The following GOLM1 variants were observed in gnomAD, a reference collection of about 807,000 sequenced individuals.
GOLM1 encodes golgi membrane protein 1.
In GOLM1, 31 loss-of-function variants were observed where a neutral mutation model predicts 50.5. The ratio of observed to expected loss-of-function variants is 0.61; its 90% CI spans 0.46 to 0.83. GOLM1 has a LOEUF of 0.83. Ranked by LOEUF, GOLM1 falls within the 40% of genes least tolerant of loss-of-function variation. The pLI is 0.00. For missense variants in GOLM1, 491 were observed against 501.3 expected, an observed-to-expected ratio of 0.98 and a Z score of 0.20; for synonymous variants, 178 against 192.8, an observed-to-expected ratio of 0.92 and a Z score of 0.64.
chr9:86,052,694 T>G, intron 3 of GOLM1, 103 bp from the exon 4 acceptor site: 9 of 935,574 alleles, frequency 9.6e-6, no homozygotes, highest in African/African-American at 1.7e-5. Flanking sequence ...AACCCAGCGC[T>G]GCTGTCAGGG....
intron 4 of GOLM1, among the ~76,000 whole-genome samples, 184 bp downstream of exon 4, chr9:86,052,353 T>G (rs1833781553): frequency 6.6e-6 from 1 of 152,204 alleles, no homozygotes; most frequent in Admixed American, 6.5e-5. Flanking sequence ...GCAATATTTT[T>G]TTTTAAAAGG....
intron 5 of GOLM1, 127 bp from the exon 6 acceptor site, chr9:86,040,995 C>G: frequency 2.5e-6 from 2 of 799,870 alleles, no homozygotes; most frequent in Non-Finnish European, 4.0e-6. Context: ...GAAGAGGGCA[C>G]TTAAGACAGG....
Position 86,067,398 on chromosome 9 carries a change from T to A in GOLM1, c.309+10014A>T, listed in dbSNP as rs1834336738. On this transcript the variant is annotated intron_variant, in intron 3 of 9. Transcript: ENST00000388712. ...TTAGGCCCCTTAAAAACCTGTTTTA[T>A]ATGTACACATATATGAATCTGTAAA... Among the ~76,000 whole-genome samples, 3 of 152,274 alleles carry A rather than the reference T, an allele frequency of 2.0e-5. No individual in the cohort carries two copies. The South Asian group carries it at 6.2e-4, about 32-fold the overall frequency.
intron 4 of GOLM1, among the ~76,000 whole-genome samples, chr9:86,049,684 T>C (rs1185950013): frequency 6.6e-6 from 1 of 152,204 alleles, no homozygotes; most frequent in Non-Finnish European, 1.5e-5. Flanking sequence ...TATTGGTGTA[T>C]AGGAATGCTT....
In GOLM1 at chr9:86,092,837, C is replaced by A. The variant is rs1048976462; in HGVS notation, c.-22+6574G>T. ...GTTTATGGTGGTCAAATACATCAGA[C>A]ACTCTCCCTTCTCCCACCTTAGAAT... On this transcript the variant is annotated intron_variant, in intron 1 of 9. Coordinates refer to ENST00000388712, the MANE Select transcript of GOLM1 (RefSeq NM_016548.4). Among the ~76,000 whole-genome samples the A allele has an allele frequency of 1.2e-3, 185 of 152,302 alleles. 2 individuals are homozygous for A. The highest frequency in any genetic ancestry group is 4.4e-3 in the African/African-American group (181 of 41,550).
rs1166945730 is a variant in GOLM1 at position 86,027,480 on chromosome 9, T to C, written c.*337A>G. ...AGATGGACTCTTCTATAGGTGGCTG[T>C]TAATTTACACAAAGTTATATTCCAG... On this transcript the variant is annotated 3_prime_UTR_variant, in exon 10 of 10. Coordinates refer to ENST00000388712, the MANE Select transcript of GOLM1 (RefSeq NM_016548.4). The C allele has an allele frequency of 2.1e-5, 23 of 1,100,148 alleles. No homozygotes were observed. The highest frequency in any genetic ancestry group is 2.4e-5 in the Non-Finnish European group (22 of 902,624). The allele number at this position is 1,100,148 out of a possible 1,614,324, so 68.1% of individuals were successfully genotyped here.
In GOLM1 at chr9:86,063,831, C is replaced by T. The variant is rs114215262; in HGVS notation, c.310-11240G>A. Among the ~76,000 whole-genome samples, 993 of 152,340 alleles carry T rather than the reference C, an allele frequency of 6.5e-3. 8 individuals are homozygous for T. Among genetic ancestry groups the T allele is most frequent in the African/African-American group, 0.021 (858 of 41,582 alleles). On this transcript the variant is annotated intron_variant, in intron 3 of 9. Coordinates refer to ENST00000388712, the MANE Select transcript of GOLM1 (RefSeq NM_016548.4). ...TTTCTAGTGCGTATGAAGCCAAGGC[C>T]AAGAGCGAGGACACCTGCAGGATTT...
chr9:86,052,225 C>T (rs1322585734), intron 4 of GOLM1, among the ~76,000 whole-genome samples: 1 of 152,164 alleles, frequency 6.6e-6, no homozygotes. Flanking sequence ...ATTAACAGGT[C>T]ACATGTATAC....
chr9:86,031,461 T>G (rs1003111860), intron 9 of GOLM1, among the ~76,000 whole-genome samples: 1 of 145,582 alleles, frequency 6.9e-6, no homozygotes, highest in Non-Finnish European at 1.5e-5. Flanking sequence ...TTTTTTTTTT[T>G]TTTTTTTTTT....
At chr9:86,041,498 G>A (rs1254249981) in intron 5 of GOLM1, among the ~76,000 whole-genome samples, 3 of 152,202 alleles carry the variant, frequency 2.0e-5, no homozygotes, top group Non-Finnish European at 4.4e-5. Flanking sequence ...CTTTCTGGCT[G>A]GGGAGCCTAA....
chr9:86,060,604 G>A (rs573766869), intron 3 of GOLM1, among the ~76,000 whole-genome samples: 5 of 152,042 alleles, frequency 3.3e-5, no homozygotes, highest in East Asian at 3.9e-4. Flanking sequence ...CACACAGGCC[G>A]GGCGCAGCAG....
chr9:86,047,896 T>C (rs1410078780), intron 4 of GOLM1, among the ~76,000 whole-genome samples: 1 of 152,216 alleles, frequency 6.6e-6, no homozygotes, highest in Admixed American at 6.5e-5. Flanking sequence ...TTTTTAATTA[T>C]ACTTTAAATT....
chr9:86,048,900 T>C (rs958355147), intron 4 of GOLM1, among the ~76,000 whole-genome samples: 3 of 152,242 alleles, frequency 2.0e-5, no homozygotes, highest in Non-Finnish European at 2.9e-5. Context: ...TTTGCCTATT[T>C]TGGCTTCTGT....
chr9:86,035,101 C>T, intron 8 of GOLM1: 2 of 985,346 alleles, frequency 2.0e-6, no homozygotes, highest in Non-Finnish European at 2.4e-6. Flanking sequence ...GCTAAGCACC[C>T]ATCTGCAGGC....
At chr9:86,091,830 AG>A (rs1835194700) in intron 1 of GOLM1, among the ~76,000 whole-genome samples, 1 of 152,252 alleles carries the variant, frequency 6.6e-6, no homozygotes, top group Non-Finnish European at 1.5e-5. Context: ...TCTCACTTCA[AG>A]GGAAGTGTAC....
chr9:86,083,858 A>C (rs1265490428), intron 1 of GOLM1, among the ~76,000 whole-genome samples: 1 of 152,132 alleles, frequency 6.6e-6, no homozygotes, highest in East Asian at 1.9e-4. Context: ...CCAGCAACAA[A>C]ACCTGAACTG....
chr9:86,038,387 CGAG>C (rs1833222445), intron 6 of GOLM1, among the ~76,000 whole-genome samples: 1 of 152,080 alleles, frequency 6.6e-6, no homozygotes, highest in African/African-American at 2.4e-5. Flanking sequence ...CCGGCCCTCA[CGAG>C]GAGCGCATTA....
At chr9:86,035,659 C>T (rs1181090414) in intron 7 of GOLM1, 34 bp from the exon 8 acceptor site, 1 of 1,324,536 alleles carries the variant, frequency 7.5e-7, no homozygotes, top group Non-Finnish European at 1.0e-6. Context: ...GTGACCTTGC[C>T]AGCATTTGAT....
chr9:86,034,303 C>G (rs1833070493), intron 8 of GOLM1, among the ~76,000 whole-genome samples: 1 of 152,180 alleles, frequency 6.6e-6, no homozygotes, highest in African/African-American at 2.4e-5. Context: ...GGAAAAGCAG[C>G]TCTAGTCTCT....
Sources: allele counts gnomAD v4.1 joint callset (sites outside exome capture counted in the v4.1 genomes callset), GRCh38; gene constraint gnomAD v4.1.1; transcripts MANE v1.5; gene names NCBI Gene and HGNC (gene_info 2026-07-23, HGNC 2026-07-21).